Variants in CFAP61 observed in about 807,000 individuals in gnomAD.
The protein encoded by CFAP61 is cilia- and flagella-associated protein 61.
A neutral mutation model predicts 135.6 loss-of-function variants in CFAP61; 107 were observed. The observed-to-expected ratio is 0.79, with a 90% CI of 0.67 to 0.93. CFAP61 has a LOEUF of 0.93. CFAP61 is among the 40% of genes least tolerant of loss of function. The probability of loss-of-function intolerance (pLI) is 0.00; values close to 1 mark genes in which losing one functional copy is unlikely to be tolerated. For synonymous variants in CFAP61, 575 were observed against 578.5 expected (o/e 0.99, Z 0.09); for missense variants, 1,507 against 1,556.2 (o/e 0.97, Z 0.53).
intron 13 of CFAP61, among the ~76,000 whole-genome samples, chr20:20,185,514 G>A (rs1223457996): frequency 2.6e-5 from 4 of 152,196 alleles, no homozygotes; most frequent in Non-Finnish European, 5.9e-5. Flanking sequence ...TGAGGCCAAA[G>A]GTCTGGGCCT....
At chr20:20,208,637 T>A (rs1410972331) in intron 17 of CFAP61, among the ~76,000 whole-genome samples, 2 of 152,166 alleles carry the variant, frequency 1.3e-5, no homozygotes, top group Admixed American at 1.3e-4. Context: ...GAAATTGGGG[T>A]CAGGGCAGGG....
At position 20,320,414 on chromosome 20, in the gene CFAP61, T is replaced by C. The variant is rs2057413278; in HGVS notation, c.3423-21417T>C. On this transcript the variant is annotated intron_variant, in intron 25 of 26. Coordinates refer to ENST00000245957, the MANE Select transcript of CFAP61 (RefSeq NM_015585.4). The stretch of plus-strand genomic sequence containing the variant: ...TATATAATATATGTAATATATGTAA[T>C]ATATATTATATATGTAATATAATAT... 3.1e-5 allele frequency among the ~76,000 whole-genome samples: 3 copies of C among 98,106 alleles called. 1 individual carries two copies. The East Asian group carries it at 8.5e-4, about 28-fold the overall frequency. 64.4% of individuals were successfully genotyped at this position (98,106 alleles called of 152,430 possible). A position where few individuals can be genotyped will look rare whatever the true frequency, so the allele number is the denominator to read the frequency against.
chr20:20,114,429 G>T (rs113017619), intron 8 of CFAP61, among the ~76,000 whole-genome samples: 4,469 of 152,116 alleles, frequency 0.029, 184 homozygotes, highest in African/African-American at 0.089. Context: ...TTTATTGAAG[G>T]ATAATTAAGT....
At chr20:20,321,836 C>T (rs910944303) in intron 25 of CFAP61, among the ~76,000 whole-genome samples, 1 of 152,122 alleles carries the variant, frequency 6.6e-6, no homozygotes, top group African/African-American at 2.4e-5. Context: ...TGTATGTCCC[C>T]TGCCCTTGAA....
intron 8 of CFAP61, among the ~76,000 whole-genome samples, chr20:20,130,632 A>T (rs187506929): frequency 6.6e-6 from 1 of 151,608 alleles, no homozygotes; most frequent in Non-Finnish European, 1.5e-5. Flanking sequence ...ACTAGATGGC[A>T]CTTTAAGCCC....
chr20:20,192,622 T>A (rs1388547841), intron 15 of CFAP61, among the ~76,000 whole-genome samples: 1 of 152,086 alleles, frequency 6.6e-6, no homozygotes, highest in Non-Finnish European at 1.5e-5. Context: ...CCTACTTATC[T>A]CCTTACACCT....
In CFAP61 at chr20:20,293,939, T is replaced by C. The variant is rs73285346; in HGVS notation, c.3216+3548T>C. Among the ~76,000 whole-genome samples, 628 of 152,312 alleles carry C rather than the reference T, an allele frequency of 4.1e-3. 3 individuals are homozygous for C. Among genetic ancestry groups the C allele is most frequent in the African/African-American group, 0.014 (591 of 41,552 alleles). ...TGAATCCTGTGTCTTCCATTTGGCA[T>C]GAATTCCAGAACCATTTTCCAACCT... is the stretch of plus-strand genomic sequence containing the variant. On this transcript the variant is annotated intron_variant, in intron 24 of 26. Coordinates refer to ENST00000245957, the MANE Select transcript of CFAP61 (RefSeq NM_015585.4).
intron 25 of CFAP61, among the ~76,000 whole-genome samples, chr20:20,306,638 G>A (rs1484397713): frequency 2.0e-5 from 3 of 152,126 alleles, no homozygotes; most frequent in African/African-American, 7.2e-5. Context: ...TGGGGTGAGG[G>A]TGGGAGCCCA....
At chr20:20,267,449 T>TG (rs2052860003) in intron 21 of CFAP61, 1 of 152,558 alleles carries the variant, frequency 6.6e-6, no homozygotes, top group Admixed American at 6.5e-5. Flanking sequence ...CCATCTGTAG[T>TG]ACCCATGCCA....
intron 26 of CFAP61, among the ~76,000 whole-genome samples, chr20:20,343,324 GCT>G (rs1569317789): frequency 1.3e-5 from 2 of 152,232 alleles, no homozygotes; most frequent in African/African-American, 4.8e-5. Context: ...CCAGGGTCCA[GCT>G]GGGAACTGTA....
intron 13 of CFAP61, among the ~76,000 whole-genome samples, chr20:20,179,536 A>G (rs983908071): frequency 1.3e-5 from 2 of 152,214 alleles, no homozygotes; most frequent in South Asian, 2.1e-4. Flanking sequence ...AACTGTTTTG[A>G]TATTCATATG....
At chr20:20,063,602 A>G (rs62200280) in intron 2 of CFAP61, among the ~76,000 whole-genome samples, 8,353 of 152,274 alleles carry the variant, frequency 0.055, 273 homozygotes, top group East Asian at 0.1. Flanking sequence ...TCATATGTAT[A>G]CAAACCTTTA....
intron 25 of CFAP61, among the ~76,000 whole-genome samples, chr20:20,329,865 G>A (rs1338746612): frequency 6.6e-6 from 1 of 152,260 alleles, no homozygotes; most frequent in East Asian, 1.9e-4. Context: ...CGCAGCGCCT[G>A]TAAGTGATGG....
At position 20,142,944 on chromosome 20, in the gene CFAP61, T is replaced by C; in HGVS notation, c.947T>C (p.Ile316Thr). 1 of 1,578,440 alleles carries C rather than the reference T, an allele frequency of 6.3e-7. No homozygotes were observed. Residue 316 changes from isoleucine (I) to threonine (T), a missense_variant, in exon 9 of 27, where the codon ATC (isoleucine) becomes ACC (threonine). Ile to Thr is a moderately conservative substitution (Grantham distance 89, BLOSUM62 -1). Transcript: ENST00000245957. ...EPVSPDTMENIQGNIAREAAS... is the reference protein window; with the variant it reads ...EPVSPDTMENTQGNIAREAAS... ...GTCTCTCCAGATACCATGGAAAACA[T>C]CCAGGTGAGAGAGACTATCCCTCCA...
intron 24 of CFAP61, among the ~76,000 whole-genome samples, chr20:20,294,329 T>C (rs112831176): frequency 0.026 from 4,027 of 152,336 alleles, 90 homozygotes; most frequent in Non-Finnish European, 0.04. Context: ...ACAAGGGTAA[T>C]TTGTGTCTGA....
rs558635871 is a variant in CFAP61 at position 20,251,871 on chromosome 20, C to T, written c.2328+108C>T. 1.1e-3 allele frequency: 1,295 copies of T among 1,147,824 alleles called. 32 individuals carry two copies. The South Asian group carries it at 0.018, about 16-fold the overall frequency. 71.1% of individuals were successfully genotyped at this position (1,147,824 alleles called of 1,614,324 possible). A position where few individuals can be genotyped will look rare whatever the true frequency, so the allele number is the denominator to read the frequency against. On this transcript the variant is annotated intron_variant, in intron 20 of 26. Coordinates refer to ENST00000245957, the MANE Select transcript of CFAP61 (RefSeq NM_015585.4). ...CTCTGGGTAAAGAGCATCCCTCTGC[C>T]TGGACAGCTGCTGCTCTAAATTCAT...
At chr20:20,274,260 A>G (rs1413122652) in intron 21 of CFAP61, among the ~76,000 whole-genome samples, 2 of 152,212 alleles carry the variant, frequency 1.3e-5, no homozygotes, top group Non-Finnish European at 2.9e-5. Context: ...CATGAACTGG[A>G]TCTAAAAATC....
Position 20,075,514 on chromosome 20 carries a change from C to T in CFAP61, c.465C>T (p.Asp155=), listed in dbSNP as rs377593785. 7.4e-6 allele frequency: 12 copies of T among 1,613,890 alleles called. No homozygotes were observed. Among genetic ancestry groups the T allele is most frequent in the African/African-American group, 1.3e-5 (1 of 74,894 alleles). ...GCTCAACTCTCATAACTGTTTTTGA[C>T]CAAGTGGGGAACATCCCGTGTCTGA... ...SLGSTLITVF[D]QVGNIPCLTY... Residue 155 remains aspartate (D), a synonymous_variant, in exon 6 of 27, where the codon GAC becomes GAT. Coordinates refer to ENST00000245957, the MANE Select transcript of CFAP61 (RefSeq NM_015585.4).
intron 24 of CFAP61, among the ~76,000 whole-genome samples, chr20:20,292,164 CA>C (rs993953558): frequency 4.6e-4 from 70 of 152,298 alleles, no homozygotes; most frequent in African/African-American, 1.4e-3. Context: ...AGTTCTTCAG[CA>C]TCTGCATTTC....
Sources: gnomAD v4.1 joint callset for allele counts (sites outside exome capture counted in the v4.1 genomes callset) on GRCh38, gnomAD v4.1.1 for gene constraint, MANE v1.5 for transcripts, NCBI Gene and HGNC (gene_info 2026-07-23, HGNC 2026-07-21) for gene names.